Variants in TMEM68 observed in about 807,000 individuals in gnomAD.
The protein encoded by TMEM68 is DGAT1/2-independent enzyme synthesizing storage lipids.
A neutral mutation model predicts 36.9 loss-of-function variants in TMEM68; 25 were observed. That is an observed-to-expected ratio of 0.68 (90% CI 0.49 to 0.95). The LOEUF is 0.95. Among genes scored for constraint, TMEM68 ranks in the 40% least tolerant of loss-of-function variants. The pLI is 0.00. For missense variants in TMEM68, 333 were observed against 392.0 expected (o/e 0.85, Z 1.27); for synonymous variants, 131 against 124.4 (o/e 1.05, Z -0.35).
At chr8:55,758,698 T>C (rs1226794389) in intron 3 of TMEM68, among the ~76,000 whole-genome samples, 1 of 152,140 alleles carries the variant, frequency 6.6e-6, no homozygotes, top group Non-Finnish European at 1.5e-5. Flanking sequence ...CTCAGTTACT[T>C]GGGAGGCTGA....
chr8:55,761,774 A>G (rs1810800402), intron 3 of TMEM68: 1 of 152,256 alleles, frequency 6.6e-6, no homozygotes, highest in South Asian at 2.1e-4. Flanking sequence ...TTCTGCTAAT[A>G]GCAGCCTAAT....
chr8:55,750,664 C>T (rs113893564), intron 5 of TMEM68, among the ~76,000 whole-genome samples: 3 of 151,378 alleles, frequency 2.0e-5, no homozygotes, highest in African/African-American at 7.3e-5. Flanking sequence ...CTCAGCCTCC[C>T]GAGTAGCTGG....
In TMEM68 at chr8:55,763,984, G is replaced by T. The variant is rs1487482601; in HGVS notation, c.-114-4C>A. The T allele has an allele frequency of 6.6e-6, 1 of 151,700 alleles. No individual in the cohort carries two copies. Among genetic ancestry groups the T allele is most frequent in the Non-Finnish European group, 1.5e-5 (1 of 67,968 alleles). The allele number at this position is 151,700 out of a possible 1,614,324, so 9.4% of individuals were successfully genotyped here. On this transcript the variant is annotated splice_polypyrimidine_tract_variant and splice_region_variant and intron_variant, in intron 1 of 7. Transcript: ENST00000434581. ...CCCAAACTTCAATGTCTCTATTCTG[G>T]AAAGCACAGTAAACAAATGTAAGAA...
intron 5 of TMEM68, 79 bp from the exon 6 acceptor site, chr8:55,745,200 C>CTT (rs879715126): frequency 1.2e-4 from 92 of 784,156 alleles, no homozygotes; most frequent in South Asian, 2.3e-4. Flanking sequence ...CTAATGCAAA[C>CTT]TTTTTTTTTT....
chr8:55,754,177 G>A (rs1005070697), intron 4 of TMEM68, among the ~76,000 whole-genome samples: 3 of 148,400 alleles, frequency 2.0e-5, no homozygotes, highest in Non-Finnish European at 4.5e-5. Flanking sequence ...TATAATACCA[G>A]CACTTTGGGA....
intron 4 of TMEM68, among the ~76,000 whole-genome samples, chr8:55,755,221 T>C (rs956714163): frequency 3.3e-5 from 5 of 151,690 alleles, no homozygotes; most frequent in Non-Finnish European, 7.4e-5. Flanking sequence ...AGAGACATGA[T>C]GTATGTACTT....
At chr8:55,766,299 C>G (rs1810960249) in intron 1 of TMEM68, among the ~76,000 whole-genome samples, 1 of 151,394 alleles carries the variant, frequency 6.6e-6, no homozygotes. Flanking sequence ...GCAAGGATGC[C>G]AGGCTGAGAA....
chr8:55,764,493 C>CA (rs1160863712), intron 1 of TMEM68, among the ~76,000 whole-genome samples: 1 of 151,848 alleles, frequency 6.6e-6, no homozygotes, highest in Non-Finnish European at 1.5e-5. Context: ...GTAGCTGAGG[C>CA]AAAAAATGAA....
intron 4 of TMEM68, among the ~76,000 whole-genome samples, chr8:55,754,510 CGT>C (rs1810517865): frequency 7.3e-6 from 1 of 137,018 alleles, no homozygotes; most frequent in Non-Finnish European, 1.5e-5. Flanking sequence ...CACACACACA[CGT>C]GTATATATAT....
chr8:55,756,380 T>A lies in TMEM68; in HGVS notation c.357A>T (p.Pro119=), dbSNP rs777313652. Reference sequence around the variant, plus strand: ...AAATTATAAGTGCTGGTCCATCTTCTGGTATTTTTTCCATTCCATGAACTT... The same window carrying A: ...AAATTATAAGTGCTGGTCCATCTTCAGGTATTTTTTCCATTCCATGAACTT... The part of the protein sequence containing the change: ...GYEVHGMEKI[P]EDGPALIIFY... The change falls in exon 4 of 8, where the codon CCA becomes CCT. Residue 119 remains proline (P), a synonymous_variant. Coordinates refer to ENST00000434581, the MANE Select transcript of TMEM68 (RefSeq NM_001286657.2). 1.3e-6 allele frequency: 2 copies of A among 1,585,914 alleles called. No individual in the cohort carries two copies. Among genetic ancestry groups the A allele is most frequent in the Admixed American group, 3.8e-5 (2 of 52,470 alleles).
intron 1 of TMEM68, 27 bp from the exon 2 acceptor site, chr8:55,764,007 G>A (rs1386113026): frequency 6.6e-6 from 1 of 151,722 alleles, no homozygotes; most frequent in South Asian, 2.1e-4. Context: ...ACAAATGTAA[G>A]AAATAAATTA....
intron 4 of TMEM68, among the ~76,000 whole-genome samples, chr8:55,753,302 C>T (rs1403368157): frequency 2.0e-5 from 3 of 151,720 alleles, no homozygotes; most frequent in Non-Finnish European, 4.4e-5. Context: ...TCTTATAAAA[C>T]ATGGTAAAAA....
chr8:55,740,321 T>C (rs1810060893), intron 7 of TMEM68, 103 bp from the exon 8 acceptor site: 2 of 784,396 alleles, frequency 2.5e-6, no homozygotes, highest in Admixed American at 2.8e-5. Flanking sequence ...TCAGTACACC[T>C]GAAGCTTATA....
intron 4 of TMEM68, chr8:55,751,492 T>C: frequency 2.3e-6 from 1 of 440,714 alleles, no homozygotes; most frequent in Admixed American, 2.9e-5. Flanking sequence ...AGGATTCTAA[T>C]GGGATTCAGA....
At chr8:55,748,567 G>C (rs1204806240) in intron 5 of TMEM68, among the ~76,000 whole-genome samples, 1 of 147,392 alleles carries the variant, frequency 6.8e-6, no homozygotes, top group Non-Finnish European at 1.5e-5. Context: ...GGAGGGAGGG[G>C]AGGGAGGAAG....
At chr8:55,760,764 G>T (rs1810764954) in intron 3 of TMEM68, 1 of 152,192 alleles carries the variant, frequency 6.6e-6, no homozygotes, top group Admixed American at 6.5e-5. Context: ...CTACTCAAAT[G>T]GACTTGAGAA....
Position 55,758,719 on chromosome 8 carries a change from T to C in TMEM68, c.326-2308A>G, listed in dbSNP as rs557484137. Reference sequence around the variant, plus strand: ...TACTTGGGAGGCTGAGGTGGGATGATTGCTTGAGCCCAGAAGTTGAAAGCT... The same window carrying C: ...TACTTGGGAGGCTGAGGTGGGATGACTGCTTGAGCCCAGAAGTTGAAAGCT... On this transcript the variant is annotated intron_variant, in intron 3 of 7. Transcript: ENST00000434581. 3.3e-4 allele frequency among the ~76,000 whole-genome samples: 51 copies of C among 152,326 alleles called. No homozygotes were observed. In the South Asian group the frequency reaches 3.9e-3, roughly 12 times the overall value.
intron 1 of TMEM68, among the ~76,000 whole-genome samples, chr8:55,768,438 G>A (rs983515269): frequency 6.6e-6 from 1 of 152,154 alleles, no homozygotes; most frequent in Admixed American, 6.5e-5. Flanking sequence ...ACAGAGGCCA[G>A]GCATGGTAAC....
At position 55,762,692 on chromosome 8, in the gene TMEM68, C is replaced by T; in HGVS notation, c.268G>A (p.Asp90Asn). The change falls in exon 3 of 8, where the codon GAT becomes AAT. Residue 90 changes from aspartate to asparagine, a missense_variant. Physicochemically the swap from Asp to Asn is conservative, Grantham distance 23. Coordinates refer to ENST00000434581, the MANE Select transcript of TMEM68 (RefSeq NM_001286657.2). ...GTTGCCACTGTTTTCCTTGCACCAT[C>T]CCATAAATTATGAGAGTAGGCTTCT... ...LKEAYSHNLW[D>N]GARKTVATLW... The T allele has an allele frequency of 1.2e-6, 2 of 1,614,170 alleles. No individual in the cohort carries two copies. Among genetic ancestry groups the T allele is most frequent in the African/African-American group, 1.3e-5 (1 of 75,054 alleles).
Sources: allele counts gnomAD v4.1 joint callset (sites outside exome capture counted in the v4.1 genomes callset), GRCh38; gene constraint gnomAD v4.1.1; transcripts MANE v1.5; gene names NCBI Gene and HGNC (gene_info 2026-07-23, HGNC 2026-07-21).